IGF1: variants seen among roughly 807,000 people sequenced by gnomAD.
The protein encoded by IGF1 is insulin like growth factor 1.
Under a neutral mutation model 13.8 loss-of-function variants are expected in IGF1, and 4 were observed. The ratio of observed to expected loss-of-function variants is 0.29; its 90% confidence interval spans 0.14 to 0.66. The LOEUF (loss-of-function observed/expected upper bound fraction) is 0.66. Among genes scored for constraint, IGF1 ranks in the 30% least tolerant of loss-of-function variants. The pLI is 0.78. For synonymous variants in IGF1, 76 were observed against 72.6 expected (o/e 1.05, Z -0.23); for missense variants, 124 against 188.5 (o/e 0.66, Z 2.00).
Position 102,407,592 on chromosome 12 carries a change from A to G in IGF1, c.403-5026T>C, listed in dbSNP as rs77914228. On this transcript the variant is annotated intron_variant, in intron 3 of 3. Transcript: ENST00000337514. ...CTTCTGATTCTGGAGCTCACCAGTT[A>G]ACCACTCTGCTAAACTGCCTCCCCA... is the stretch of plus-strand genomic sequence containing the variant. Among the ~76,000 whole-genome samples the G allele has an allele frequency of 2.2e-3, 332 of 152,332 alleles. 1 individual carries two copies. Among genetic ancestry groups the G allele is most frequent in the African/African-American group, 7.6e-3 (315 of 41,572 alleles).
At chr12:102,420,634 C>G (rs1203026573) in intron 2 of IGF1, among the ~76,000 whole-genome samples, 1 of 152,072 alleles carries the variant, frequency 6.6e-6, no homozygotes, top group African/African-American at 2.4e-5. Flanking sequence ...TCTTACCACC[C>G]CAAGAGGCCA....
intron 3 of IGF1, chr12:102,417,477 T>C (rs990446002): frequency 4.6e-6 from 4 of 866,264 alleles, no homozygotes; most frequent in Non-Finnish European, 4.2e-6. Context: ...TAAAAATGCA[T>C]ATAGAAGCCT....
rs566908752 is a variant in IGF1 at position 102,449,472 on chromosome 12, A to G, written c.220+26171T>C. 5.3e-5 allele frequency among the ~76,000 whole-genome samples: 8 copies of G among 152,138 alleles called. No homozygotes were observed. In the South Asian group the frequency reaches 1.7e-3, roughly 32 times the overall value. On this transcript the variant is annotated intron_variant, in intron 2 of 3. Coordinates refer to ENST00000337514, the MANE Select transcript of IGF1 (RefSeq NM_000618.5). ...GACGGCTTGATGGGTGCAGTAAACC[A>G]CAATGGCACATGTATAGCTATGTAA... is the stretch of plus-strand genomic sequence containing the variant.
chr12:102,476,750 A>G (rs1441560334), intron 1 of IGF1, among the ~76,000 whole-genome samples: 2 of 152,190 alleles, frequency 1.3e-5, no homozygotes, highest in Admixed American at 1.3e-4. Flanking sequence ...AAAATATACC[A>G]AGGGACCCCT....
chr12:102,449,986 A>G (rs1169625729), intron 2 of IGF1, among the ~76,000 whole-genome samples: 1 of 152,080 alleles, frequency 6.6e-6, no homozygotes, highest in Non-Finnish European at 1.5e-5. Flanking sequence ...CGAGTTCTCA[A>G]GAAGTGCTCA....
chr12:102,460,124 C>A (rs1879782060), intron 2 of IGF1, among the ~76,000 whole-genome samples: 1 of 152,154 alleles, frequency 6.6e-6, no homozygotes. Flanking sequence ...CCATTTTTTT[C>A]ATAAGAGAAG....
intron 3 of IGF1, among the ~76,000 whole-genome samples, chr12:102,418,547 C>T (rs1812647699): frequency 6.6e-6 from 1 of 152,214 alleles, no homozygotes; most frequent in African/African-American, 2.4e-5. Context: ...ATTAAAACCA[C>T]ATGTTGGCAT....
At chr12:102,414,654 G>A (rs1874929057) in intron 3 of IGF1, among the ~76,000 whole-genome samples, 1 of 151,986 alleles carries the variant, frequency 6.6e-6, no homozygotes, top group South Asian at 2.1e-4. Flanking sequence ...GAACTCCTGA[G>A]CTCAGGCAAT....
chr12:102,474,439 C>G (rs1055594572), intron 2 of IGF1, among the ~76,000 whole-genome samples: 2 of 152,208 alleles, frequency 1.3e-5, no homozygotes, highest in African/African-American at 4.8e-5. Context: ...AAGTACTGAT[C>G]GCCAATACCC....
chr12:102,439,910 A>T (rs986638991), intron 2 of IGF1, among the ~76,000 whole-genome samples: 14 of 152,174 alleles, frequency 9.2e-5, no homozygotes, highest in Admixed American at 6.5e-5. Context: ...AAGCATTTCC[A>T]CTTAAACATC....
At chr12:102,463,956 A>G (rs918315683) in intron 2 of IGF1, among the ~76,000 whole-genome samples, 2 of 152,184 alleles carry the variant, frequency 1.3e-5, no homozygotes, top group Non-Finnish European at 2.9e-5. Context: ...ATTGCTCTAT[A>G]TGGTTCTTTC....
At chr12:102,411,297 C>T (rs973544940) in intron 3 of IGF1, among the ~76,000 whole-genome samples, 1 of 152,200 alleles carries the variant, frequency 6.6e-6, no homozygotes, top group Non-Finnish European at 1.5e-5. Context: ...CTACAATTGT[C>T]GGCTGATTGA....
intron 2 of IGF1, among the ~76,000 whole-genome samples, chr12:102,432,300 C>T (rs138934898): frequency 3.9e-5 from 6 of 152,274 alleles, no homozygotes; most frequent in Admixed American, 3.9e-4. Flanking sequence ...TTTCCTATTA[C>T]TAGGCATTTA....
chr12:102,441,961 T>TCTTCTTCTTCTTCTTCTTCTTCTTCTTC (rs1592786145), intron 2 of IGF1, among the ~76,000 whole-genome samples: 1 of 13,996 alleles, frequency 7.1e-5, no homozygotes, highest in East Asian at 4.1e-3. Flanking sequence ...TCTTCTTTTT[T>TCTTCTTCTTCTTCTTCTTCTTCTTCTTC]TTTTTTGAGA....
intron 2 of IGF1, among the ~76,000 whole-genome samples, chr12:102,446,581 A>AT (rs1409479146): frequency 6.6e-6 from 1 of 151,980 alleles, no homozygotes; most frequent in Non-Finnish European, 1.5e-5. Flanking sequence ...CCCCTTTATC[A>AT]TTTTTTATTG....
At chr12:102,433,252 A>G (rs1352753734) in intron 2 of IGF1, among the ~76,000 whole-genome samples, 1 of 152,208 alleles carries the variant, frequency 6.6e-6, no homozygotes, top group East Asian at 1.9e-4. Flanking sequence ...TGTAAACTTG[A>G]GCACCTACTG....
At chr12:102,479,452 G>A (rs1881273572) in intron 1 of IGF1, among the ~76,000 whole-genome samples, 1 of 152,142 alleles carries the variant, frequency 6.6e-6, no homozygotes, top group South Asian at 2.1e-4. Context: ...GCTGAGAATG[G>A]AAACTAGAAC....
intron 3 of IGF1, 99 bp from the exon 4 acceptor site, chr12:102,402,665 C>T: frequency 1.3e-6 from 1 of 763,434 alleles, no homozygotes. Flanking sequence ...TTACGCCTTA[C>T]CAGTTGAGCT....
rs1873584654 is a variant in IGF1, at chr12:102,400,376, T to C, written c.*2131A>G. On this transcript the variant is annotated 3_prime_UTR_variant, in exon 4 of 4. Transcript: ENST00000337514. Reference sequence around the variant, plus strand: ...CAGATAGGGATCATTTTCTAGGCTATGATGGACTAGTACACTAACCAGTGG... The same window carrying C: ...CAGATAGGGATCATTTTCTAGGCTACGATGGACTAGTACACTAACCAGTGG... 6.6e-6 allele frequency: 1 copy of C among 152,144 alleles called. No homozygotes were observed. Among genetic ancestry groups the C allele is most frequent in the Non-Finnish European group, 1.5e-5 (1 of 68,018 alleles). The allele number at this position is 152,144 out of a possible 1,614,324, so 9.4% of individuals were successfully genotyped here.
Sources: gnomAD v4.1 joint callset for allele counts (sites outside exome capture counted in the v4.1 genomes callset) on GRCh38, gnomAD v4.1.1 for gene constraint, MANE v1.5 for transcripts, NCBI Gene and HGNC (gene_info 2026-07-23, HGNC 2026-07-21) for gene names.